Variants in FAT3 observed in about 807,000 individuals in gnomAD.
The protein encoded by FAT3 is FAT atypical cadherin 3, also known as protocadherin Fat 3.
FAT3 carries 95 observed loss-of-function variants against 310.2 expected under a neutral mutation model. The observed-to-expected ratio is 0.31, with a 90% CI of 0.26 to 0.36. The LOEUF is 0.36. Ranked by LOEUF, FAT3 falls within the 10% of genes least tolerant of loss-of-function variation. FAT3 has a pLI of 1.00. For synonymous variants in FAT3, 2,314 were observed against 2,192.9 expected (o/e 1.06, Z -1.54); for missense variants, 5,408 against 5,715.6 (o/e 0.95, Z 1.74).
chr11:92,582,417 G>A (rs756458165), intron 3 of FAT3, among the ~76,000 whole-genome samples: 2 of 151,874 alleles, frequency 1.3e-5, no homozygotes, highest in Non-Finnish European at 2.9e-5. Context: ...AATACATCCT[G>A]TAATATCCTA....
At chr11:92,394,229 G>A (rs2134827854) in intron 2 of FAT3, among the ~76,000 whole-genome samples, 1 of 152,266 alleles carries the variant, frequency 6.6e-6, no homozygotes, top group South Asian at 2.1e-4. Context: ...AGTACTTTGG[G>A]AGGCCAATGC....
At position 92,408,862 on chromosome 11, in the gene FAT3, G is replaced by C. The variant is rs561708824; in HGVS notation, c.3292+53458G>C. On this transcript the variant is annotated intron_variant, in intron 2 of 27. Transcript: ENST00000525166. Reference sequence around the variant, plus strand: ...CATTTTTAATGATTTGAGTAAATGAGAGAGTGACCTTGATTCTGTTCTTTC... The same window carrying C: ...CATTTTTAATGATTTGAGTAAATGACAGAGTGACCTTGATTCTGTTCTTTC... Among the ~76,000 whole-genome samples the C allele has an allele frequency of 3.9e-5, 6 of 152,316 alleles. No individual in the cohort carries two copies. The South Asian group carries it at 1.2e-3, about 32-fold the overall frequency.
intron 4 of FAT3, among the ~76,000 whole-genome samples, chr11:92,730,858 A>T (rs939174156): frequency 1.3e-4 from 20 of 151,768 alleles, no homozygotes; most frequent in African/African-American, 7.3e-5. Context: ...AGTTTTTAAA[A>T]TTTTTTTTTC....
At chr11:92,232,539 A>C (rs1464303455) in intron 1 of FAT3, among the ~76,000 whole-genome samples, 1 of 150,122 alleles carries the variant, frequency 6.7e-6, no homozygotes, top group Non-Finnish European at 1.5e-5. Context: ...GGCATGTTTC[A>C]CTCATTAAAA....
At chr11:92,601,279 G>T (rs1415610511) in intron 3 of FAT3, among the ~76,000 whole-genome samples, 1 of 152,138 alleles carries the variant, frequency 6.6e-6, no homozygotes, top group African/African-American at 2.4e-5. Context: ...AGCATAGGCT[G>T]CCAGGTGCAG....
chr11:92,518,266 A>T (rs1412521311), intron 2 of FAT3, among the ~76,000 whole-genome samples: 2 of 152,142 alleles, frequency 1.3e-5, no homozygotes, highest in Non-Finnish European at 2.9e-5. Flanking sequence ...AACCAACCCA[A>T]ATGCCCATCA....
At chr11:92,726,196 C>T (rs1455198411) in intron 4 of FAT3, among the ~76,000 whole-genome samples, 1 of 152,048 alleles carries the variant, frequency 6.6e-6, no homozygotes, top group African/African-American at 2.4e-5. Flanking sequence ...TGTTTAATAG[C>T]TATGACAATT....
intron 6 of FAT3, among the ~76,000 whole-genome samples, chr11:92,768,693 C>T (rs561997953): frequency 1.3e-5 from 2 of 152,274 alleles, no homozygotes; most frequent in African/African-American, 2.4e-5. Context: ...GGGAACAATG[C>T]GCCTCAATGC....
intron 2 of FAT3, among the ~76,000 whole-genome samples, chr11:92,452,999 C>T (rs1281506124): frequency 7.9e-5 from 12 of 152,218 alleles, no homozygotes; most frequent in Middle Eastern, 3.4e-3. Context: ...ATCTTGAACT[C>T]CTGGGCTCAA....
chr11:92,571,537 C>T (rs1955663397), intron 3 of FAT3, among the ~76,000 whole-genome samples: 2 of 152,150 alleles, frequency 1.3e-5, no homozygotes, highest in Non-Finnish European at 2.9e-5. Flanking sequence ...TCCATTAGCA[C>T]CTCACTTCTC....
chr11:92,774,108 G>A lies in FAT3; in HGVS notation c.4263G>A (p.Leu1421=). 6.2e-7 allele frequency: 1 copy of A among 1,613,748 alleles called. No individual in the cohort carries two copies. The highest frequency in any genetic ancestry group is 8.5e-7 in the Non-Finnish European group (1 of 1,179,742). The change falls in exon 7 of 28, where the codon TTG becomes TTA. Residue 1421 remains leucine, a synonymous_variant. Coordinates refer to ENST00000525166, the MANE Select transcript of FAT3 (RefSeq NM_001367949.2). Reference sequence around the variant, plus strand: ...GGACAATTGTCATCGCAAAACCTTTGGATGCAGAGCAGAGGTCCATCTATA... The same window carrying A: ...GGACAATTGTCATCGCAAAACCTTTAGATGCAGAGCAGAGGTCCATCTATA... ...GVGTIVIAKP[L]DAEQRSIYNM...
intron 3 of FAT3, among the ~76,000 whole-genome samples, chr11:92,537,081 C>T (rs1224360644): frequency 2.0e-5 from 3 of 152,162 alleles, no homozygotes; most frequent in African/African-American, 7.2e-5. Context: ...CCTACTCCCA[C>T]GTAGACATCA....
intron 1 of FAT3, among the ~76,000 whole-genome samples, chr11:92,284,807 G>T (rs923624903): frequency 1.3e-5 from 2 of 152,102 alleles, no homozygotes; most frequent in African/African-American, 4.8e-5. Flanking sequence ...CCAGACTGTC[G>T]CATGCTTCTT....
At chr11:92,316,559 G>A (rs918639868) in intron 1 of FAT3, among the ~76,000 whole-genome samples, 7 of 152,108 alleles carry the variant, frequency 4.6e-5, no homozygotes, top group East Asian at 1.9e-4. Context: ...GACTGCTTCC[G>A]TTAGTCTTGG....
chr11:92,586,582 A>C (rs1327737428), intron 3 of FAT3, among the ~76,000 whole-genome samples: 1 of 152,036 alleles, frequency 6.6e-6, no homozygotes, highest in African/African-American at 2.4e-5. Flanking sequence ...ACTAGAAGAA[A>C]CAAATAATAA....
intron 2 of FAT3, among the ~76,000 whole-genome samples, chr11:92,441,525 A>G (rs1464211927): frequency 6.6e-6 from 1 of 152,200 alleles, no homozygotes; most frequent in African/African-American, 2.4e-5. Context: ...GAGTATGACC[A>G]ACTGGAACTC....
intron 2 of FAT3, among the ~76,000 whole-genome samples, chr11:92,472,590 C>T (rs370881074): frequency 6.6e-6 from 1 of 152,144 alleles, no homozygotes; most frequent in South Asian, 2.1e-4. Context: ...TAATTCAAGT[C>T]GACACATGTT....
At chr11:92,550,285 G>A (rs929005858) in intron 3 of FAT3, among the ~76,000 whole-genome samples, 15 of 152,118 alleles carry the variant, frequency 9.9e-5, no homozygotes, top group Non-Finnish European at 1.3e-4. Context: ...TCAGTTTAAA[G>A]AAATAGAACA....
intron 3 of FAT3, among the ~76,000 whole-genome samples, chr11:92,688,088 G>T (rs1484034294): frequency 6.6e-6 from 1 of 151,970 alleles, no homozygotes; most frequent in Non-Finnish European, 1.5e-5. Context: ...GGTAGTCTCA[G>T]CTACTTGGGA....
Sources: allele counts gnomAD v4.1 joint callset (sites outside exome capture counted in the v4.1 genomes callset), GRCh38; gene constraint gnomAD v4.1.1; transcripts MANE v1.5; gene names NCBI Gene and HGNC (gene_info 2026-07-23, HGNC 2026-07-21).